Variants in COBL observed in about 807,000 individuals in gnomAD.
COBL encodes cordon-bleu WH2 repeat protein.
COBL carries 51 observed loss-of-function variants against 98.8 expected under a neutral mutation model. That is an observed-to-expected ratio of 0.52 (90% CI 0.41 to 0.65). COBL has a LOEUF of 0.65. COBL is among the 30% of genes least tolerant of loss of function. COBL has a pLI of 0.00. For missense variants in COBL, 1,617 were observed against 1,617.5 expected, an observed-to-expected ratio of 1.00 and a Z score of 0.01; for synonymous variants, 634 against 651.7, an observed-to-expected ratio of 0.97 and a Z score of 0.41.
intron 8 of COBL, among the ~76,000 whole-genome samples, chr7:51,040,542 G>A (rs1195943879): frequency 1.3e-5 from 2 of 152,126 alleles, no homozygotes; most frequent in Non-Finnish European, 2.9e-5. Flanking sequence ...ATCTGTGCTG[G>A]GCTTTTCCCA....
intron 2 of COBL, among the ~76,000 whole-genome samples, chr7:51,195,656 C>T (rs1188538171): frequency 6.6e-6 from 1 of 151,908 alleles, no homozygotes; most frequent in Non-Finnish European, 1.5e-5. Flanking sequence ...TTGTTTGTAA[C>T]ATTTCTGATT....
intron 1 of COBL, among the ~76,000 whole-genome samples, chr7:51,284,045 G>A (rs1264671755): frequency 6.6e-6 from 1 of 150,978 alleles, no homozygotes; most frequent in African/African-American, 2.4e-5. Context: ...CAGCACTTTG[G>A]GAGGCCAAGG....
At chr7:51,237,807 T>A (rs147759912) in intron 1 of COBL, among the ~76,000 whole-genome samples, 2 of 152,286 alleles carry the variant, frequency 1.3e-5, no homozygotes, top group African/African-American at 2.4e-5. Context: ...AATATTTACA[T>A]GGTGTTTTAT....
At chr7:51,282,094 TCAAA>T (rs1473876113) in intron 1 of COBL, among the ~76,000 whole-genome samples, 1 of 151,998 alleles carries the variant, frequency 6.6e-6, no homozygotes, top group East Asian at 1.9e-4. Flanking sequence ...CTAAAAAATC[TCAAA>T]CAACTCAAAG....
intron 1 of COBL, among the ~76,000 whole-genome samples, chr7:51,252,043 T>C (rs1474027620): frequency 6.6e-6 from 1 of 152,132 alleles, no homozygotes; most frequent in Admixed American, 6.6e-5. Flanking sequence ...AAACACAAAC[T>C]TCCTCGATGT....
At chr7:51,281,621 C>T (rs1036823104) in intron 1 of COBL, among the ~76,000 whole-genome samples, 4 of 148,100 alleles carry the variant, frequency 2.7e-5, no homozygotes, top group Middle Eastern at 6.9e-3. Flanking sequence ...AGAATGAAGT[C>T]GAAACAACTT....
chr7:51,116,058 C>T (rs1797245981), intron 6 of COBL, among the ~76,000 whole-genome samples: 1 of 152,002 alleles, frequency 6.6e-6, no homozygotes, highest in Non-Finnish European at 1.5e-5. Context: ...TAAATGGTAT[C>T]CTTTTCTACC....
rs137863209 is a variant in COBL at position 51,229,827 on chromosome 7, A to C, written c.42-9883T>G. ...ACCATTGTCCCAGGACTACAAAGACACGGCCAAACTGCTCAATATGTGCAG... is the reference window on the plus strand; with the variant it reads ...ACCATTGTCCCAGGACTACAAAGACCCGGCCAAACTGCTCAATATGTGCAG... On this transcript the variant is annotated intron_variant, in intron 1 of 12. Coordinates refer to ENST00000265136, the MANE Select transcript of COBL (RefSeq NM_015198.5). Among the ~76,000 whole-genome samples the C allele has an allele frequency of 3.4e-3, 520 of 152,280 alleles. 3 individuals are homozygous for C. The highest frequency in any genetic ancestry group is 0.024 in the Middle Eastern group (7 of 294).
At chr7:51,187,581 G>A (rs1171417957) in intron 4 of COBL, among the ~76,000 whole-genome samples, 1 of 152,150 alleles carries the variant, frequency 6.6e-6, no homozygotes, top group African/African-American at 2.4e-5. Context: ...GAGGTGAAAA[G>A]GAAAGGGTGC....
At chr7:51,222,195 T>TAAC (rs1356384523) in intron 1 of COBL, among the ~76,000 whole-genome samples, 3 of 151,414 alleles carry the variant, frequency 2.0e-5, no homozygotes, top group Non-Finnish European at 4.4e-5. Context: ...GTCTCAAAAA[T>TAAC]AATAATAATA....
chr7:51,189,063 C>A (rs1386551968), intron 4 of COBL, among the ~76,000 whole-genome samples: 1 of 152,202 alleles, frequency 6.6e-6, no homozygotes. Flanking sequence ...CTCAGTGCCA[C>A]CAGGCCTTTG....
chr7:51,316,702 C>T lies in COBL; in HGVS notation c.-69G>A, dbSNP rs940460866. On this transcript the variant is annotated 5_prime_UTR_variant, in exon 1 of 13. Coordinates refer to ENST00000265136, the MANE Select transcript of COBL (RefSeq NM_015198.5). ...GTCAGGCGCTGGCTACCGCCGCCAC[C>T]GCTGCCGCCCTCATTCACTTTTTCC... is the stretch of plus-strand genomic sequence containing the variant. 2.7e-6 allele frequency: 3 copies of T among 1,102,898 alleles called. No homozygotes were observed. In the African/African-American group the frequency reaches 4.9e-5, roughly 18 times the overall value. 68.3% of individuals were successfully genotyped at this position (1,102,898 alleles called of 1,614,324 possible). A position where few individuals can be genotyped will look rare whatever the true frequency, so the allele number is the denominator to read the frequency against.
chr7:51,083,310 C>A (rs1455314863), intron 7 of COBL: 7 of 1,065,130 alleles, frequency 6.6e-6, no homozygotes, highest in Non-Finnish European at 9.1e-6. Context: ...CCTCACTGGG[C>A]ACCAGATCCA....
Position 51,149,640 on chromosome 7 carries a change from T to C in COBL, c.784-13309A>G, listed in dbSNP as rs1222713165. The stretch of plus-strand genomic sequence containing the variant: ...TTTTGTTTTTGAGACAGAGTCTCAC[T>C]GTGTCGCCCAGGCTGGAGTGCAGTG... On this transcript the variant is annotated intron_variant, in intron 5 of 12. Coordinates refer to ENST00000265136, the MANE Select transcript of COBL (RefSeq NM_015198.5). 2.0e-5 allele frequency among the ~76,000 whole-genome samples: 3 copies of C among 152,224 alleles called. No individual in the cohort carries two copies. In the East Asian group the frequency reaches 5.8e-4, roughly 29 times the overall value.
At chr7:51,124,531 G>C (rs778238176) in intron 6 of COBL, among the ~76,000 whole-genome samples, 36 of 152,130 alleles carry the variant, frequency 2.4e-4, no homozygotes, top group Non-Finnish European at 3.8e-4. Context: ...GGCTTCTCTG[G>C]GATGGGAATT....
intron 1 of COBL, among the ~76,000 whole-genome samples, chr7:51,262,167 G>A (rs1563100747): frequency 6.6e-6 from 1 of 152,292 alleles, no homozygotes; most frequent in East Asian, 1.9e-4. Flanking sequence ...AGGGCACAGA[G>A]CCAAAGTGGA....
chr7:51,284,657 T>A (rs546866262), intron 1 of COBL, among the ~76,000 whole-genome samples: 1 of 151,268 alleles, frequency 6.6e-6, no homozygotes, highest in African/African-American at 2.4e-5. Flanking sequence ...TGAAACCCCA[T>A]CACTACTAAA....
chr7:51,141,774 C>T (rs891738633), intron 5 of COBL, among the ~76,000 whole-genome samples: 2 of 151,938 alleles, frequency 1.3e-5, no homozygotes, highest in African/African-American at 4.8e-5. Context: ...CCAGATGAGG[C>T]GAACGGGCAC....
intron 6 of COBL, among the ~76,000 whole-genome samples, chr7:51,127,850 A>G (rs1157142973): frequency 6.6e-6 from 1 of 152,218 alleles, no homozygotes; most frequent in Non-Finnish European, 1.5e-5. Context: ...GGCAAAACAC[A>G]AAATGGTAAT....
Sources: gnomAD v4.1 joint callset for allele counts (sites outside exome capture counted in the v4.1 genomes callset) on GRCh38, gnomAD v4.1.1 for gene constraint, MANE v1.5 for transcripts, NCBI Gene and HGNC (gene_info 2026-07-23, HGNC 2026-07-21) for gene names.